KHDRBS2: variants seen among roughly 807,000 people sequenced by gnomAD.
KHDRBS2 encodes the protein KH domain-containing, RNA-binding, signal transduction-associated protein 2.
A neutral mutation model predicts 44.3 loss-of-function variants in KHDRBS2; 26 were observed. That is an observed-to-expected ratio of 0.59 (90% CI 0.43 to 0.81). KHDRBS2 has a LOEUF of 0.81. Ranked by LOEUF, KHDRBS2 falls within the 40% of genes least tolerant of loss-of-function variation. The probability of loss-of-function intolerance (pLI) is 0.00; values close to 1 mark genes in which losing one functional copy is unlikely to be tolerated. For missense variants in KHDRBS2, 476 were observed against 433.1 expected (o/e 1.10, Z -0.88); for synonymous variants, 194 against 151.1 (o/e 1.28, Z -2.08).
At chr6:61,543,977 A>C in the KHDRBS2 span, among the ~76,000 whole-genome samples, 1 of 152,040 alleles carries the variant, frequency 6.6e-6, no homozygotes, top group East Asian at 1.9e-4. Context: ...TGTAGGAGTA[A>C]GTGTGGATTG....
intron 3 of KHDRBS2, among the ~76,000 whole-genome samples, chr6:62,037,694 T>G (rs1293773895): frequency 6.6e-6 from 1 of 151,966 alleles, no homozygotes; most frequent in African/African-American, 2.4e-5. Context: ...TGCCTTTTTT[T>G]AAAACCCTAT....
chr6:62,024,572 T>C (rs1053260199), intron 3 of KHDRBS2, among the ~76,000 whole-genome samples: 3 of 151,624 alleles, frequency 2.0e-5, no homozygotes, highest in African/African-American at 7.2e-5. Context: ...TAGTAATTTA[T>C]GAAAATAAAA....
intron 3 of KHDRBS2, among the ~76,000 whole-genome samples, chr6:62,024,122 C>G (rs1231960041): frequency 6.6e-6 from 1 of 150,958 alleles, no homozygotes; most frequent in Non-Finnish European, 1.5e-5. Flanking sequence ...ATAAAAATTA[C>G]CAATAGAATT....
intron 2 of KHDRBS2, among the ~76,000 whole-genome samples, chr6:62,078,810 C>A (rs1318192324): frequency 1.3e-5 from 2 of 151,858 alleles, no homozygotes; most frequent in East Asian, 1.9e-4. Flanking sequence ...TGCTTTGATG[C>A]AAAATGGCAA....
intron 6 of KHDRBS2, among the ~76,000 whole-genome samples, chr6:61,851,060 C>G (rs1795334546): frequency 6.6e-6 from 1 of 152,040 alleles, no homozygotes; most frequent in African/African-American, 2.4e-5. Flanking sequence ...GTAGCAGCAG[C>G]CTCACAGTTG....
At position 62,285,913 on chromosome 6, in the gene KHDRBS2, TG is replaced by T; in HGVS notation, c.35del (p.Ala12GlufsTer47). On this transcript the variant is annotated frameshift_variant, in exon 1 of 9. Transcript: ENST00000281156. LOFTEE classifies it high-confidence loss of function. ...EEEKYLPELMAEKDSLDPSFV... is the reference protein window; with the variant it reads ...EEEKYLPELMXEKDSLDPSFV... ...AAGATGGATCCAGGCTATCTTTCTC[TG>T]CCATCAGCTCAGGCAAATATTTCTC... 3 of 1,613,480 alleles carry T rather than the reference TG, an allele frequency of 1.9e-6. No homozygotes were observed. Among genetic ancestry groups the T allele is most frequent in the Non-Finnish European group, 2.5e-6 (3 of 1,179,702 alleles).
chr6:61,567,615 T>G, the KHDRBS2 span, among the ~76,000 whole-genome samples: 6 of 152,268 alleles, frequency 3.9e-5, no homozygotes, highest in African/African-American at 1.4e-4. Flanking sequence ...CACACTAGCT[T>G]GGGCAACAAA....
intron 3 of KHDRBS2, among the ~76,000 whole-genome samples, chr6:62,040,365 C>T (rs1244806450): frequency 6.6e-6 from 1 of 151,994 alleles, no homozygotes; most frequent in East Asian, 1.9e-4. Context: ...TAATGTGTTC[C>T]AGTTATTTAT....
chr6:61,618,672 G>A, the KHDRBS2 span, among the ~76,000 whole-genome samples: 1 of 152,118 alleles, frequency 6.6e-6, no homozygotes, highest in African/African-American at 2.4e-5. Context: ...CTTTCCGTCT[G>A]TACATGTGTT....
chr6:62,096,639 TTTTG>T (rs1184637676), intron 2 of KHDRBS2, among the ~76,000 whole-genome samples: 1 of 151,908 alleles, frequency 6.6e-6, no homozygotes, highest in African/African-American at 2.4e-5. Flanking sequence ...GGTTAGTCAA[TTTTG>T]TTTATCTTTT....
chr6:61,739,549 A>G (rs762347985), intron 6 of KHDRBS2, among the ~76,000 whole-genome samples: 49 of 151,920 alleles, frequency 3.2e-4, no homozygotes, highest in Non-Finnish European at 6.8e-4. Context: ...ATGCTGGAAG[A>G]ATATTTCCTC....
At chr6:62,123,932 A>G (rs913501549) in intron 2 of KHDRBS2, among the ~76,000 whole-genome samples, 11 of 152,242 alleles carry the variant, frequency 7.2e-5, no homozygotes, top group African/African-American at 2.7e-4. Flanking sequence ...TGCTCTTTTG[A>G]AAGTTGGTAA....
the KHDRBS2 span, among the ~76,000 whole-genome samples, chr6:61,599,679 G>C: frequency 6.6e-6 from 1 of 152,168 alleles, no homozygotes; most frequent in Non-Finnish European, 1.5e-5. Flanking sequence ...GGCAACAAGG[G>C]TTGAGACAAC....
chr6:61,888,905 A>G, intron 6 of KHDRBS2, among the ~76,000 whole-genome samples: 1 of 151,816 alleles, frequency 6.6e-6, no homozygotes. Flanking sequence ...TGGCATTCCT[A>G]TGGCAGGATT....
At chr6:62,173,387 G>A (rs1820461527) in intron 2 of KHDRBS2, among the ~76,000 whole-genome samples, 1 of 151,916 alleles carries the variant, frequency 6.6e-6, no homozygotes, top group Non-Finnish European at 1.5e-5. Flanking sequence ...ATAGAACAAG[G>A]GAGAGACTGA....
chr6:62,282,700 T>C (rs1561915307), intron 1 of KHDRBS2, among the ~76,000 whole-genome samples: 1 of 152,154 alleles, frequency 6.6e-6, no homozygotes. Context: ...TTTAGTGCCA[T>C]AAATATATTA....
chr6:61,661,067 A>C, the KHDRBS2 span, among the ~76,000 whole-genome samples: 1 of 151,872 alleles, frequency 6.6e-6, no homozygotes, highest in African/African-American at 2.4e-5. Context: ...TATGAAAGTC[A>C]CCACATTACC....
At chr6:62,068,660 G>A (rs1794305589) in intron 2 of KHDRBS2, among the ~76,000 whole-genome samples, 1 of 151,528 alleles carries the variant, frequency 6.6e-6, no homozygotes, top group African/African-American at 2.4e-5. Context: ...TCCATTTTGA[G>A]TTAGTTTTGG....
At chr6:62,007,952 A>G (rs1274905280) in intron 3 of KHDRBS2, among the ~76,000 whole-genome samples, 1 of 152,194 alleles carries the variant, frequency 6.6e-6, no homozygotes, top group African/African-American at 2.4e-5. Context: ...TATCAAGTAC[A>G]AATTGATTTC....
Sources: gnomAD v4.1 joint callset for allele counts (sites outside exome capture counted in the v4.1 genomes callset) on GRCh38, gnomAD v4.1.1 for gene constraint, MANE v1.5 for transcripts, NCBI Gene and HGNC (gene_info 2026-07-23, HGNC 2026-07-21) for gene names.